The following DYRK1A variants were observed in gnomAD, a reference collection of about 807,000 sequenced individuals.
The protein encoded by DYRK1A is dual specificity tyrosine phosphorylation regulated kinase 1A.
Under a neutral mutation model 79.7 loss-of-function variants are expected in DYRK1A, and 9 were observed. The ratio of observed to expected loss-of-function variants is 0.11; its 90% CI spans 0.07 to 0.20. The LOEUF (loss-of-function observed/expected upper bound fraction) is 0.20. Among genes scored for constraint, DYRK1A ranks in the 10% least tolerant of loss-of-function variants. The pLI, the probability that DYRK1A is intolerant of heterozygous loss-of-function variation, is 1.00. For missense variants in DYRK1A, 622 were observed against 956.0 expected (o/e 0.65, Z 4.61); for synonymous variants, 349 against 329.7 (o/e 1.06, Z -0.63).
At chr21:37,445,993 A>G (rs1007381484) in intron 2 of DYRK1A, among the ~76,000 whole-genome samples, 3 of 152,168 alleles carry the variant, frequency 2.0e-5, no homozygotes, top group African/African-American at 7.2e-5. Context: ...ATAAAAAAAC[A>G]ACATTCTTAC....
At chr21:37,456,727 T>C (rs2051650916) in intron 2 of DYRK1A, among the ~76,000 whole-genome samples, 2 of 152,210 alleles carry the variant, frequency 1.3e-5, no homozygotes, top group African/African-American at 4.8e-5. Flanking sequence ...TCAGCCACCA[T>C]GCTTAGGGCC....
chr21:37,493,227 A>C (rs907514757), intron 8 of DYRK1A, 64 bp downstream of exon 8: 17 of 1,501,340 alleles, frequency 1.1e-5, no homozygotes, highest in Non-Finnish European at 1.5e-5. Flanking sequence ...CATCTGTGAC[A>C]GTGTAATTTA....
At chr21:37,376,767 C>T (rs1016601386) in intron 1 of DYRK1A, among the ~76,000 whole-genome samples, 4 of 151,880 alleles carry the variant, frequency 2.6e-5, no homozygotes, top group Non-Finnish European at 4.4e-5. Flanking sequence ...ATATAAGGTA[C>T]GGTTCTGATC....
At chr21:37,491,467 C>T (rs578073399) in intron 7 of DYRK1A, among the ~76,000 whole-genome samples, 11 of 152,186 alleles carry the variant, frequency 7.2e-5, no homozygotes, top group African/African-American at 2.2e-4. Flanking sequence ...CTTATTTTTC[C>T]AAATTAGTGA....
intron 4 of DYRK1A, among the ~76,000 whole-genome samples, chr21:37,478,704 G>A (rs1164535549): frequency 6.6e-6 from 1 of 152,138 alleles, no homozygotes; most frequent in African/African-American, 2.4e-5. Context: ...ATGGGTGTCA[G>A]GAAGCTCTGA....
chr21:37,470,543 T>C lies in DYRK1A; in HGVS notation c.11-2141T>C, dbSNP rs142802085. 4.0e-3 allele frequency among the ~76,000 whole-genome samples: 615 copies of C among 152,296 alleles called. 5 individuals carry two copies. The highest frequency in any genetic ancestry group is 0.014 in the African/African-American group (575 of 41,564). ...TATAGTAATACCTCTGCTTCATAGATAGGGAATCTAAGGCTTTGAATGGTT... is the reference window on the plus strand; with the variant it reads ...TATAGTAATACCTCTGCTTCATAGACAGGGAATCTAAGGCTTTGAATGGTT... On this transcript the variant is annotated intron_variant, in intron 2 of 11. Coordinates refer to ENST00000647188, the MANE Select transcript of DYRK1A (RefSeq NM_001347721.2).
chr21:37,504,036 C>T (rs1051869649), intron 9 of DYRK1A: 2 of 152,170 alleles, frequency 1.3e-5, no homozygotes, highest in Non-Finnish European at 2.9e-5. Flanking sequence ...CAGAAAGAGG[C>T]CTCTCAACTC....
chr21:37,377,146 G>GTC (rs2049560957), intron 1 of DYRK1A, among the ~76,000 whole-genome samples: 1 of 152,162 alleles, frequency 6.6e-6, no homozygotes, highest in South Asian at 2.1e-4. Context: ...TTGAGACGGA[G>GTC]TCTCGCTCTT....
At chr21:37,391,648 T>G in intron 1 of DYRK1A, among the ~76,000 whole-genome samples, 1 of 152,238 alleles carries the variant, frequency 6.6e-6, no homozygotes, top group East Asian at 1.9e-4. Context: ...TTCTACAGCC[T>G]ATAATCTTCC....
In DYRK1A at chr21:37,526,226, A is replaced by G. The variant is rs1482498667; in HGVS notation, c.*13695A>G. The stretch of plus-strand genomic sequence containing the variant: ...CCCAAAAGAAATTTTTATATTTCAG[A>G]ATCCATTGATCTGCATTTGAGAAGT... On this transcript the variant is annotated 3_prime_UTR_variant, in exon 12 of 12. Coordinates refer to ENST00000647188, the MANE Select transcript of DYRK1A (RefSeq NM_001347721.2). 6.6e-6 allele frequency: 1 copy of G among 152,230 alleles called. No homozygotes were observed. The highest frequency in any genetic ancestry group is 1.5e-5 in the Non-Finnish European group (1 of 68,040). The allele number at this position is 152,230 out of a possible 1,614,324, so 9.4% of individuals were successfully genotyped here. A position where few individuals can be genotyped will look rare whatever the true frequency, so the allele number is the denominator to read the frequency against.
At chr21:37,372,075 G>GCTTTTGCATGT (rs1031870359) in intron 1 of DYRK1A, among the ~76,000 whole-genome samples, 8 of 152,058 alleles carry the variant, frequency 5.3e-5, no homozygotes. Context: ...TTTCACAAAA[G>GCTTTTGCATGT]CTTTTGCATG....
intron 9 of DYRK1A, among the ~76,000 whole-genome samples, chr21:37,500,571 G>T (rs1601301528): frequency 6.6e-6 from 1 of 152,196 alleles, no homozygotes; most frequent in Non-Finnish European, 1.5e-5. Flanking sequence ...TTTAGTAGAG[G>T]TCATTGATGA....
intron 1 of DYRK1A, among the ~76,000 whole-genome samples, chr21:37,368,987 T>A (rs1033452048): frequency 6.6e-6 from 1 of 152,174 alleles, no homozygotes; most frequent in East Asian, 1.9e-4. Context: ...AAGAAAACTA[T>A]GTAGTCAATT....
At chr21:37,388,547 C>T (rs1321456750) in intron 1 of DYRK1A, among the ~76,000 whole-genome samples, 1 of 152,100 alleles carries the variant, frequency 6.6e-6, no homozygotes, top group Non-Finnish European at 1.5e-5. Flanking sequence ...ATTCACATTG[C>T]CTTGTTTGCC....
chr21:37,486,744 G>T, intron 6 of DYRK1A, 130 bp downstream of exon 6: 1 of 932,036 alleles, frequency 1.1e-6, no homozygotes, highest in East Asian at 3.2e-5. Flanking sequence ...ATTTCTGTTG[G>T]ACAGCAAGAT....
intron 2 of DYRK1A, among the ~76,000 whole-genome samples, chr21:37,449,295 A>G (rs2051369104): frequency 6.6e-6 from 1 of 152,238 alleles, no homozygotes; most frequent in Non-Finnish European, 1.5e-5. Flanking sequence ...TCAGTGGTTT[A>G]AATCAGTAGA....
intron 1 of DYRK1A, among the ~76,000 whole-genome samples, chr21:37,374,524 T>C (rs2049498480): frequency 6.6e-6 from 1 of 151,820 alleles, no homozygotes; most frequent in African/African-American, 2.4e-5. Context: ...ATGCCTCTCT[T>C]TCTGTAGGTT....
intron 1 of DYRK1A, among the ~76,000 whole-genome samples, chr21:37,381,377 A>G (rs371594449): frequency 6.6e-6 from 1 of 152,226 alleles, no homozygotes; most frequent in African/African-American, 2.4e-5. Context: ...TGAAATGCCT[A>G]CTATGTATTG....
intron 1 of DYRK1A, among the ~76,000 whole-genome samples, chr21:37,407,877 T>C (rs1260146299): frequency 1.3e-5 from 2 of 152,176 alleles, no homozygotes; most frequent in South Asian, 2.1e-4. Flanking sequence ...TTGCCCAGCT[T>C]GGCACTATGA....
Sources: gnomAD v4.1 joint callset for allele counts (sites outside exome capture counted in the v4.1 genomes callset) on GRCh38, gnomAD v4.1.1 for gene constraint, MANE v1.5 for transcripts, NCBI Gene and HGNC (gene_info 2026-07-23, HGNC 2026-07-21) for gene names.